NDUFA7: variants seen among roughly 807,000 people sequenced by gnomAD.
The protein encoded by NDUFA7 is NADH:ubiquinone oxidoreductase subunit A7.
NDUFA7 carries 18 observed loss-of-function variants against 14.2 expected under a neutral mutation model. The observed-to-expected ratio is 1.27, with a 90% CI of 0.88 to 1.88. The LOEUF is 1.88. Among genes scored for constraint, NDUFA7 ranks in the 40% most tolerant of loss-of-function variants. The pLI is 0.00. For synonymous variants in NDUFA7, 75 were observed against 62.1 expected (o/e 1.21, Z -0.98); for missense variants, 172 against 147.3 (o/e 1.17, Z -0.87).
At chr19:8,316,374 T>C (rs1970233567) in intron 3 of NDUFA7, 122 bp downstream of exon 3, 5 of 1,393,622 alleles carry the variant, frequency 3.6e-6, no homozygotes, top group Non-Finnish European at 4.9e-6. Context: ...GCAGCACAGT[T>C]CCTGCGCAAC....
chr19:8,312,306 G>C (rs1243085296), intron 3 of NDUFA7, among the ~76,000 whole-genome samples: 1 of 152,216 alleles, frequency 6.6e-6, no homozygotes, highest in African/African-American at 2.4e-5. Context: ...CGCCCCAGGG[G>C]TGGAGGCACA....
At chr19:8,320,042 TACTGTGTTTC>T (rs1379022535) in intron 2 of NDUFA7, among the ~76,000 whole-genome samples, 3 of 152,030 alleles carry the variant, frequency 2.0e-5, no homozygotes, top group Non-Finnish European at 4.4e-5. Flanking sequence ...GAGGGGGTTT[TACTGTGTTTC>T]ACTGTGTTGG....
Position 8,311,491 on chromosome 19 carries a change from G to T in NDUFA7, c.*14C>A. 1 of 1,585,830 alleles carries T rather than the reference G, an allele frequency of 6.3e-7. No homozygotes were observed. Among genetic ancestry groups the T allele is most frequent in the Non-Finnish European group, 8.6e-7 (1 of 1,164,034 alleles). On this transcript the variant is annotated 3_prime_UTR_variant, in exon 4 of 4. Coordinates refer to ENST00000301457, the MANE Select transcript of NDUFA7 (RefSeq NM_005001.5). ...AAGGAGGCAAAGTAGTCGGGTGGCC[G>T]TGAGGGTGCAGTGTCACAGGTAAGG...
intron 2 of NDUFA7, among the ~76,000 whole-genome samples, chr19:8,318,211 T>C (rs1970258417): frequency 1.3e-5 from 2 of 151,782 alleles, no homozygotes; most frequent in Admixed American, 1.3e-4. Flanking sequence ...AGTGCTGTGG[T>C]GCGATCTCGG....
chr19:8,312,317 G>A (rs772104332), intron 3 of NDUFA7, among the ~76,000 whole-genome samples: 10 of 152,198 alleles, frequency 6.6e-5, no homozygotes, highest in African/African-American at 9.6e-5. Context: ...TGGAGGCACA[G>A]GACCTCCCAG....
chr19:8,321,228 G>A, intron 1 of NDUFA7, 80 bp downstream of exon 1: 1 of 1,420,024 alleles, frequency 7.0e-7, no homozygotes, highest in Non-Finnish European at 9.4e-7. Context: ...CGGCTTAGGA[G>A]GGAGGTGAGG....
downstream of NDUFA7, among the ~76,000 whole-genome samples, chr19:8,309,473 C>CAAAAAAAAAA (rs531841561): frequency 7.5e-6 from 1 of 133,588 alleles, no homozygotes; most frequent in Admixed American, 7.6e-5. Flanking sequence ...GACTCTGTCT[C>CAAAAAAAAAA]AAAAAAAAAA....
chr19:8,320,961 A>G, intron 1 of NDUFA7, 55 bp from the exon 2 acceptor site: 1 of 1,599,932 alleles, frequency 6.3e-7, no homozygotes, highest in Non-Finnish European at 8.6e-7. Context: ...GAGAGAGGAA[A>G]GGAGAGGGCA....
intron 3 of NDUFA7, among the ~76,000 whole-genome samples, chr19:8,316,154 A>G (rs1226346965): frequency 6.6e-6 from 1 of 151,376 alleles, no homozygotes; most frequent in African/African-American, 2.4e-5. Context: ...GTCTCAAAAA[A>G]AAAAAAAAAA....
chr19:8,311,684 C>T, intron 3 of NDUFA7, 89 bp from the exon 4 acceptor site: 1 of 1,072,466 alleles, frequency 9.3e-7, no homozygotes, highest in Non-Finnish European at 1.4e-6. Flanking sequence ...GACAAACACA[C>T]CCACAGGGAC....
At chr19:8,316,269 G>A (rs545854595) in intron 3 of NDUFA7, among the ~76,000 whole-genome samples, 1 of 152,156 alleles carries the variant, frequency 6.6e-6, no homozygotes, top group East Asian at 1.9e-4. Context: ...AGGCTGCAGT[G>A]AGTGATGATT....
At chr19:8,315,268 A>G (rs1317210326) in intron 3 of NDUFA7, among the ~76,000 whole-genome samples, 1 of 152,146 alleles carries the variant, frequency 6.6e-6, no homozygotes, top group East Asian at 1.9e-4. Context: ...CGACACCGGT[A>G]AAGGGTCTGT....
chr19:8,316,405 C>A, intron 3 of NDUFA7, 91 bp downstream of exon 3: 2 of 1,539,436 alleles, frequency 1.3e-6, no homozygotes, highest in South Asian at 2.4e-5. Flanking sequence ...TAAGTAGGAT[C>A]TTGACAAGCA....
chr19:8,321,169 G>C, intron 1 of NDUFA7, 139 bp downstream of exon 1: 1 of 1,129,312 alleles, frequency 8.9e-7, no homozygotes, highest in South Asian at 1.6e-5. Flanking sequence ...GGGCTGAAGG[G>C]GTGACTAGCT....
intron 3 of NDUFA7, among the ~76,000 whole-genome samples, chr19:8,312,070 C>T (rs1038063599): frequency 1.3e-5 from 2 of 152,232 alleles, no homozygotes; most frequent in East Asian, 3.8e-4. Context: ...GGGCACCGCC[C>T]TCAGGAAGAC....
chr19:8,315,807 C>T (rs1970225732), intron 3 of NDUFA7, among the ~76,000 whole-genome samples: 8 of 152,066 alleles, frequency 5.3e-5, no homozygotes, highest in Admixed American at 5.2e-4. Flanking sequence ...GGGCAACCCA[C>T]CCCTTCAGCC....
intron 1 of NDUFA7, 126 bp downstream of exon 1, chr19:8,321,182 G>C: frequency 8.2e-7 from 1 of 1,224,740 alleles, no homozygotes; most frequent in South Asian, 1.5e-5. Flanking sequence ...GACTAGCTGG[G>C]GGTTCCCAGG....
chr19:8,311,558 G>A lies in NDUFA7; in HGVS notation c.289C>T (p.Pro97Ser), dbSNP rs1267080870. 3 of 1,612,938 alleles carry A rather than the reference G, an allele frequency of 1.9e-6. No homozygotes were observed. Among genetic ancestry groups the A allele is most frequent in the Non-Finnish European group, 2.5e-6 (3 of 1,179,508 alleles). ...TCCCACCTCTTTATGGGAGGAGCTG[G>A]AGTCACCGCCTTCTTCTCAGTGGCA... ...VAATEKKAVT[P>S]APPIKRWELS... Residue 97 changes from proline to serine, a missense_variant, in exon 4 of 4, where the codon CCA becomes TCA. Transcript: ENST00000301457.
chr19:8,312,940 C>T (rs969086384), intron 3 of NDUFA7, among the ~76,000 whole-genome samples: 2 of 152,150 alleles, frequency 1.3e-5, no homozygotes, highest in African/African-American at 4.8e-5. Context: ...GCTGAGATTA[C>T]AGGCGAGAGC....
Sources: allele counts gnomAD v4.1 joint callset (sites outside exome capture counted in the v4.1 genomes callset), GRCh38; gene constraint gnomAD v4.1.1; transcripts MANE v1.5; gene names NCBI Gene and HGNC (gene_info 2026-07-23, HGNC 2026-07-21).